The following RCC1L variants were observed in gnomAD, a reference collection of about 807,000 sequenced individuals.
The protein encoded by RCC1L is RCC1-like G exchanging factor-like protein.
Under a neutral mutation model 58.6 loss-of-function variants are expected in RCC1L, and 46 were observed. That is an observed-to-expected ratio of 0.79 (90% CI 0.62 to 1.00). The LOEUF (loss-of-function observed/expected upper bound fraction) is 1.00. Among genes scored for constraint, RCC1L ranks in the 50% least tolerant of loss-of-function variants. The pLI, the probability that RCC1L is intolerant of heterozygous loss-of-function variation, is 0.00. For missense variants in RCC1L, 636 were observed against 623.6 expected (o/e 1.02, Z -0.21); for synonymous variants, 281 against 262.9 (o/e 1.07, Z -0.67).
chr7:75,051,385 C>CAT (rs1419305439), intron 10 of RCC1L, among the ~76,000 whole-genome samples: 35 of 149,644 alleles, frequency 2.3e-4, no homozygotes, highest in East Asian at 5.9e-4. Context: ...TATATACACA[C>CAT]ATATATATAT....
chr7:75,038,601 G>GGGAAGTCAGACCAGGCAGGGGTGGA (rs1166512035), downstream of RCC1L, among the ~76,000 whole-genome samples: 2 of 151,552 alleles, frequency 1.3e-5, no homozygotes, highest in Admixed American at 6.6e-5. Flanking sequence ...GTGCCTAGAT[G>GGGAAGTCAGACCAGGCAGGGGTGGA]GGAAGTCAGA....
At chr7:75,064,509 C>T in intron 4 of RCC1L, 73 bp downstream of exon 4, 1 of 1,576,756 alleles carries the variant, frequency 6.3e-7, no homozygotes, top group Non-Finnish European at 8.7e-7. Flanking sequence ...CGCGGGTTTA[C>T]CACAGTCATC....
chr7:75,070,915 C>T (rs1003020563), intron 1 of RCC1L, 146 bp from the exon 2 acceptor site: 71 of 1,084,252 alleles, frequency 6.5e-5, no homozygotes, highest in Non-Finnish European at 8.9e-5. Flanking sequence ...ACTCTGTTGC[C>T]CAGGCTGGAG....
chr7:75,028,759 G>A (rs1488140570), intron 10 of RCC1L, among the ~76,000 whole-genome samples: 7 of 152,242 alleles, frequency 4.6e-5, no homozygotes, highest in Non-Finnish European at 7.4e-5. Context: ...CTCCAGGACC[G>A]CCCTCCTTCA....
intron 2 of RCC1L, among the ~76,000 whole-genome samples, chr7:75,068,021 A>C (rs782481760): frequency 3.3e-5 from 5 of 151,998 alleles, no homozygotes; most frequent in Non-Finnish European, 7.4e-5. Context: ...AATAAAAGGT[A>C]TAAAAAATGT....
At chr7:75,038,886 C>T (rs907187419), downstream of RCC1L, among the ~76,000 whole-genome samples, 42 of 152,176 alleles carry the variant, frequency 2.8e-4, no homozygotes, top group African/African-American at 8.4e-4. Flanking sequence ...AACCCAGTCT[C>T]GGGAGAGGAA....
At chr7:75,058,300 G>A (rs587734208) in intron 7 of RCC1L, 5,225 of 390,938 alleles carry the variant, frequency 0.013, 65 homozygotes, top group Middle Eastern at 0.025. Flanking sequence ...GTGGTGGCAC[G>A]ATCTCAGCTC....
At chr7:75,063,403 G>GCCCTTTCCCTGTCAC in intron 4 of RCC1L, 60 bp from the exon 5 acceptor site, 2 of 1,572,108 alleles carry the variant, frequency 1.3e-6, no homozygotes, top group Admixed American at 3.3e-5. Flanking sequence ...GCACTGTGCA[G>GCCCTTTCCCTGTCAC]CCCTTTCCCT....
Position 75,073,667 on chromosome 7 carries a change from C to T in RCC1L, c.71G>A (p.Gly24Glu). The T allele has an allele frequency of 6.7e-7, 1 of 1,489,014 alleles. No individual in the cohort carries two copies. The highest frequency in any genetic ancestry group is 8.9e-7 in the Non-Finnish European group (1 of 1,127,412). The allele number at this position is 1,489,014 out of a possible 1,614,324, so 92.2% of individuals were successfully genotyped here. A position where few individuals can be genotyped will look rare whatever the true frequency, so the allele number is the denominator to read the frequency against. ...RRLSGPGLGR[G>E]HWTAAGRSRS... ...GGAGCGCCCGGCCGCCGTCCAGTGC[C>T]CTCGCCCCAGCCCCGGCCCGCTCAG... Residue 24 changes from glycine (G) to glutamate (E), a missense_variant, in exon 1 of 11, where the codon GGG (glycine) becomes GAG (glutamate). Gly to Glu is a moderately conservative substitution (Grantham distance 98). Coordinates refer to ENST00000610322, the MANE Select transcript of RCC1L (RefSeq NM_030798.5).
chr7:75,059,915 C>T (rs938155253), intron 6 of RCC1L, among the ~76,000 whole-genome samples: 3 of 152,286 alleles, frequency 2.0e-5, no homozygotes, highest in Admixed American at 1.3e-4. Flanking sequence ...CGCCCGCCAC[C>T]ATGCCCAGCC....
At chr7:75,072,192 GGAGA>G (rs150506038) in intron 1 of RCC1L, among the ~76,000 whole-genome samples, 4 of 63,254 alleles carry the variant, frequency 6.3e-5, no homozygotes, top group Non-Finnish European at 1.1e-4. Flanking sequence ...ATATATATAT[GGAGA>G]GAGAGAGAGA....
At chr7:75,046,556 C>T (rs2086756709) in intron 10 of RCC1L, among the ~76,000 whole-genome samples, 1 of 152,196 alleles carries the variant, frequency 6.6e-6, no homozygotes, top group African/African-American at 2.4e-5. Context: ...GCGGGAGGCT[C>T]CCCAAGGTTC....
At chr7:75,040,594 T>C (rs1805532898), downstream of RCC1L, among the ~76,000 whole-genome samples, 1 of 152,090 alleles carries the variant, frequency 6.6e-6, no homozygotes, top group African/African-American at 2.4e-5. Flanking sequence ...CCCCGCCCAG[T>C]GTGACCCGGG....
intron 9 of RCC1L, 126 bp from the exon 10 acceptor site, chr7:75,052,922 C>T: frequency 1.1e-6 from 1 of 914,406 alleles, no homozygotes; most frequent in Non-Finnish European, 1.8e-6. Flanking sequence ...TCAGCTTTTA[C>T]CAGGCGTTCA....
downstream of RCC1L, among the ~76,000 whole-genome samples, chr7:75,041,151 T>C (rs1554442207): frequency 6.6e-6 from 1 of 151,836 alleles, no homozygotes; most frequent in African/African-American, 2.4e-5. Context: ...GAGGCGGAGG[T>C]TGCAGTGAGC....
At chr7:75,034,181 A>G (rs1452496598) in intron 10 of RCC1L, among the ~76,000 whole-genome samples, 8 of 152,188 alleles carry the variant, frequency 5.3e-5, no homozygotes, top group African/African-American at 1.9e-4. Flanking sequence ...CGGTAGAAAA[A>G]GCAACAGGTC....
At chr7:75,061,324 G>A (rs1554444499) in intron 5 of RCC1L, 33 bp from the exon 6 acceptor site, 1,219,714 of 1,597,542 alleles carry the variant, frequency 0.76, 467,986 homozygotes, top group East Asian at 0.95. Flanking sequence ...GGGGATGAGA[G>A]GAAATACTTA....
chr7:75,040,289 G>A (rs1239583467), downstream of RCC1L, among the ~76,000 whole-genome samples: 4 of 152,036 alleles, frequency 2.6e-5, no homozygotes, highest in East Asian at 1.9e-4. Flanking sequence ...ACAAAATTCC[G>A]TCTCTACTAA....
intron 10 of RCC1L, among the ~76,000 whole-genome samples, chr7:75,051,954 A>AT (rs1805927287): frequency 6.6e-6 from 1 of 152,098 alleles, no homozygotes; most frequent in South Asian, 2.1e-4. Flanking sequence ...TCCATAGTGC[A>AT]TTTTTTTGTA....
Sources: gnomAD v4.1 joint callset for allele counts (sites outside exome capture counted in the v4.1 genomes callset) on GRCh38, gnomAD v4.1.1 for gene constraint, MANE v1.5 for transcripts, NCBI Gene and HGNC (gene_info 2026-07-23, HGNC 2026-07-21) for gene names.